The following CYTIP variants were observed in gnomAD, a reference collection of about 807,000 sequenced individuals.
CYTIP encodes cytohesin 1 interacting protein.
Under a neutral mutation model 43.8 loss-of-function variants are expected in CYTIP, and 26 were observed. The ratio of observed to expected loss-of-function variants is 0.59; its 90% CI spans 0.44 to 0.82. CYTIP has a LOEUF of 0.82. CYTIP is among the 40% of genes least tolerant of loss of function. The pLI is 0.00. For missense variants in CYTIP, 426 were observed against 443.1 expected (o/e 0.96, Z 0.35); for synonymous variants, 162 against 162.9 (o/e 0.99, Z 0.04).
At chr2:157,435,462 T>C (rs1685795313) in intron 1 of CYTIP, among the ~76,000 whole-genome samples, 1 of 152,206 alleles carries the variant, frequency 6.6e-6, no homozygotes, top group South Asian at 2.1e-4. Context: ...CAGAATAGTA[T>C]CAATGGTATA....
intron 3 of CYTIP, among the ~76,000 whole-genome samples, chr2:157,431,339 T>G (rs1685712091): frequency 6.6e-6 from 1 of 152,230 alleles, no homozygotes; most frequent in Admixed American, 6.5e-5. Flanking sequence ...TCTCCCAAGC[T>G]AAAACACTCA....
At chr2:157,420,093 T>C (rs1685495945) in intron 6 of CYTIP, among the ~76,000 whole-genome samples, 1 of 152,200 alleles carries the variant, frequency 6.6e-6, no homozygotes, top group Non-Finnish European at 1.5e-5. Flanking sequence ...CTCAGCACTT[T>C]AGGAGGTTGA....
intron 6 of CYTIP, among the ~76,000 whole-genome samples, chr2:157,422,080 G>A (rs535915473): frequency 3.3e-4 from 50 of 152,306 alleles, no homozygotes; most frequent in East Asian, 9.7e-4. Context: ...GGCTCATGTA[G>A]AGCTTGTATG....
Position 157,430,548 on chromosome 2 carries a change from CAGAT to C in CYTIP, c.476+7_476+10del. ...ATTTTGAAGCCCCACGGGAACTAGA[CAGAT>C]AGTTACGTTAGCAGGTTTCCGGACG... On this transcript the variant is annotated splice_region_variant and intron_variant, in intron 5 of 7. Transcript: ENST00000264192. 6.2e-7 allele frequency: 1 copy of C among 1,611,984 alleles called. No homozygotes were observed.
In CYTIP at chr2:157,443,922, G is replaced by A. The variant is rs1685955637; in HGVS notation, c.99C>T (p.Ser33=). 1.9e-6 allele frequency: 3 copies of A among 1,614,134 alleles called. No homozygotes were observed. Among genetic ancestry groups the A allele is most frequent in the Non-Finnish European group, 2.5e-6 (3 of 1,179,996 alleles). The change falls in exon 1 of 8, where the codon AGC becomes AGT. Residue 33 remains serine (S), a synonymous_variant. Coordinates refer to ENST00000264192, the MANE Select transcript of CYTIP (RefSeq NM_004288.5). ...AYSSYSTLTG[S]LTMDDNRRIQ... Reference sequence around the variant, plus strand: ...TCCTTCTATTATCGTCCATCGTAAGGCTGCCGGTGAGTGTGGAGTAAGAGC... The same window carrying A: ...TCCTTCTATTATCGTCCATCGTAAGACTGCCGGTGAGTGTGGAGTAAGAGC...
Position 157,415,965 on chromosome 2 carries a change from A to T in CYTIP, c.792T>A (p.Cys264Ter). 6.2e-7 allele frequency: 1 copy of T among 1,614,224 alleles called. No homozygotes were observed. The highest frequency in any genetic ancestry group is 8.5e-7 in the Non-Finnish European group (1 of 1,180,042). ...TMDSEDGYQT[C>*]VSEDSSRGAF... Reference sequence around the variant, plus strand: ...CACCCCTGCTGGAGTCCTCAGACACACACGTCTGGTAGCCATCTTCACTGT... The same window carrying T: ...CACCCCTGCTGGAGTCCTCAGACACTCACGTCTGGTAGCCATCTTCACTGT... The change falls in exon 8 of 8, where the codon TGT becomes TGA. Residue 264 changes from cysteine to a stop codon, truncating the protein, a stop_gained. Coordinates refer to ENST00000264192, the MANE Select transcript of CYTIP (RefSeq NM_004288.5). LOFTEE classifies it high-confidence loss of function.
intron 1 of CYTIP, 62 bp downstream of exon 1, chr2:157,443,785 A>G: frequency 6.6e-7 from 1 of 1,526,098 alleles, no homozygotes; most frequent in African/African-American, 1.4e-5. Flanking sequence ...AGTCAGACAA[A>G]CATATCACTC....
chr2:157,416,847 G>C (rs1461467187), intron 7 of CYTIP, among the ~76,000 whole-genome samples: 2 of 152,038 alleles, frequency 1.3e-5, no homozygotes, highest in Non-Finnish European at 2.9e-5. Flanking sequence ...TTATCTGCTT[G>C]GCTAAATTTT....
At chr2:157,428,810 C>T (rs151067502) in intron 5 of CYTIP, among the ~76,000 whole-genome samples, 3 of 152,194 alleles carry the variant, frequency 2.0e-5, no homozygotes, top group Non-Finnish European at 4.4e-5. Context: ...TTTGTTACCA[C>T]CACCATCTTT....
At chr2:157,434,607 G>C (rs976165032) in intron 2 of CYTIP, 91 bp downstream of exon 2, 1 of 980,862 alleles carries the variant, frequency 1.0e-6, no homozygotes, top group East Asian at 2.5e-5. Flanking sequence ...GAGAGAGAGA[G>C]AGAGAGAGAG....
chr2:157,419,575 T>C (rs1203399136), intron 6 of CYTIP, among the ~76,000 whole-genome samples: 14 of 152,218 alleles, frequency 9.2e-5, no homozygotes, highest in Admixed American at 9.2e-4. Flanking sequence ...AGCCATAGGC[T>C]CACTGTCTCC....
At chr2:157,427,068 T>A (rs1420111896) in intron 6 of CYTIP, among the ~76,000 whole-genome samples, 1 of 152,076 alleles carries the variant, frequency 6.6e-6, no homozygotes, top group Non-Finnish European at 1.5e-5. Context: ...TCAATAGAGA[T>A]CACAGGTGCA....
At chr2:157,438,165 T>C (rs1222478129) in intron 1 of CYTIP, among the ~76,000 whole-genome samples, 2 of 152,192 alleles carry the variant, frequency 1.3e-5, no homozygotes, top group African/African-American at 4.8e-5. Context: ...AAATGTGGTA[T>C]ATATACACCA....
At chr2:157,443,701 G>C in intron 1 of CYTIP, 146 bp downstream of exon 1, 2 of 820,096 alleles carry the variant, frequency 2.4e-6, no homozygotes, top group Admixed American at 3.2e-5. Context: ...CTAGCTCCCT[G>C]AGCATCTCAC....
rs1685826721 is a variant in CYTIP, at chr2:157,437,359, AAAAAAATTT to A, written c.175-2621_175-2613del. Among the ~76,000 whole-genome samples, 4 of 152,256 alleles carry A rather than the reference AAAAAAATTT, an allele frequency of 2.6e-5. No homozygotes were observed. In the South Asian group the frequency reaches 8.3e-4, roughly 32 times the overall value. ...TGAACTAAAATACCTCAACAGAAAA[AAAAAAATTT>A]AAAAATGGGCAAATGATCTGAACAG... On this transcript the variant is annotated intron_variant, in intron 1 of 7. Transcript: ENST00000264192.
At position 157,434,305 on chromosome 2, in the gene CYTIP, C is replaced by G; in HGVS notation, c.279+65G>C. 3 of 1,249,994 alleles carry G rather than the reference C, an allele frequency of 2.4e-6. No homozygotes were observed. In the South Asian group the frequency reaches 3.6e-5, roughly 15 times the overall value. The allele number at this position is 1,249,994 out of a possible 1,614,324, so 77.4% of individuals were successfully genotyped here. On this transcript the variant is annotated intron_variant, in intron 3 of 7. Coordinates refer to ENST00000264192, the MANE Select transcript of CYTIP (RefSeq NM_004288.5). ...ATCCTAACTTCATTTTTTCTTTGCA[C>G]ATAACATGACACTACCGGTGCCACT...
Position 157,443,888 on chromosome 2 carries a change from G to A in CYTIP, c.133C>T (p.Leu45=). The A allele has an allele frequency of 1.2e-6, 2 of 1,614,122 alleles. No individual in the cohort carries two copies. Among genetic ancestry groups the A allele is most frequent in the Non-Finnish European group, 1.7e-6 (2 of 1,179,984 alleles). ...TMDDNRRIQM[L]ADTVATLPRG... ...GGCAGAGTAGCCACCGTGTCTGCTA[G>A]CATTTGAATCCTTCTATTATCGTCC... is the stretch of plus-strand genomic sequence containing the variant. Residue 45 remains leucine, a synonymous_variant, in exon 1 of 8, where the codon CTA becomes TTA. Transcript: ENST00000264192.
At chr2:157,434,190 T>A (rs1007470296) in intron 3 of CYTIP, 180 bp downstream of exon 3, 2 of 641,932 alleles carry the variant, frequency 3.1e-6, no homozygotes, top group Middle Eastern at 3.1e-4. Context: ...ATCTTCAATG[T>A]TTTCTTTCCT....
At position 157,419,964 on chromosome 2, in the gene CYTIP, G is replaced by A. The variant is rs149249162; in HGVS notation, c.547-1375C>T. Reference sequence around the variant, plus strand: ...CTTATGGTTGCCAATATAAAATCGAGCAATAAATCAATCAAATGCTTGACT... The same window carrying A: ...CTTATGGTTGCCAATATAAAATCGAACAATAAATCAATCAAATGCTTGACT... On this transcript the variant is annotated intron_variant, in intron 6 of 7. Coordinates refer to ENST00000264192, the MANE Select transcript of CYTIP (RefSeq NM_004288.5). 3.5e-3 allele frequency among the ~76,000 whole-genome samples: 527 copies of A among 152,292 alleles called. 1 individual carries two copies. Among genetic ancestry groups the A allele is most frequent in the African/African-American group, 0.012 (506 of 41,570 alleles).
Sources: gnomAD v4.1 joint callset for allele counts (sites outside exome capture counted in the v4.1 genomes callset) on GRCh38, gnomAD v4.1.1 for gene constraint, MANE v1.5 for transcripts, NCBI Gene and HGNC (gene_info 2026-07-23, HGNC 2026-07-21) for gene names.